The following P2RY6 variants were observed in gnomAD, a reference collection of about 807,000 sequenced individuals.
The protein encoded by P2RY6 is P2Y purinoceptor 6.
A neutral mutation model predicts 16.3 loss-of-function variants in P2RY6; 19 were observed. The observed-to-expected ratio is 1.16, with a 90% CI of 0.81 to 1.71. The LOEUF (loss-of-function observed/expected upper bound fraction) is 1.71, where lower values mean the gene tolerates loss of function less well. Ranked by LOEUF, P2RY6 falls within the 40% of genes most tolerant of loss-of-function variation. P2RY6 has a pLI of 0.00. For missense variants in P2RY6, 389 were observed against 455.5 expected (o/e 0.85, Z 1.33); for synonymous variants, 184 against 201.5 (o/e 0.91, Z 0.74).
intron 1 of P2RY6, among the ~76,000 whole-genome samples, chr11:73,266,691 T>A (rs1191267091): frequency 3.3e-5 from 5 of 152,138 alleles, no homozygotes; most frequent in East Asian, 1.9e-4. Flanking sequence ...CAAGGGGACA[T>A]AAAAGGCAGT....
In P2RY6 at chr11:73,296,223, G is replaced by GAAAA. The variant is rs142793721; in HGVS notation, c.-34-254_-34-251dup. 1.8e-4 allele frequency among the ~76,000 whole-genome samples: 22 copies of GAAAA among 121,464 alleles called. No homozygotes were observed. The East Asian group carries it at 2.0e-3, about 11-fold the overall frequency. 79.7% of individuals were successfully genotyped at this position (121,464 alleles called of 152,430 possible). A position where few individuals can be genotyped will look rare whatever the true frequency, so the allele number is the denominator to read the frequency against. On this transcript the variant is annotated intron_variant, in intron 2 of 2. Coordinates refer to ENST00000540124, the MANE Select transcript of P2RY6 (RefSeq NM_001277204.2). ...TAGAAGTTCACTAGGAAGGCTGAAGGAAAAAAAAAAATATATATATATATA... is the reference window on the plus strand; with the variant it reads ...TAGAAGTTCACTAGGAAGGCTGAAGGAAAAAAAAAAAAAAATATATATATATATA...
chr11:73,279,732 T>G (rs1002901842), intron 1 of P2RY6, among the ~76,000 whole-genome samples: 1 of 152,140 alleles, frequency 6.6e-6, no homozygotes, highest in Non-Finnish European at 1.5e-5. Context: ...AAACTCTAAT[T>G]GGTTGCCCCT....
chr11:73,295,742 C>T lies in P2RY6; in HGVS notation c.-108C>T. On this transcript the variant is annotated 5_prime_UTR_variant, in exon 2 of 3. Coordinates refer to ENST00000540124, the MANE Select transcript of P2RY6 (RefSeq NM_001277204.2). Reference sequence around the variant, plus strand: ...CCCTATTTTACAGATAACAAGACCTCTGCCAGAAGAACCATGGCTTTGGAA... The same window carrying T: ...CCCTATTTTACAGATAACAAGACCTTTGCCAGAAGAACCATGGCTTTGGAA... The T allele has an allele frequency of 1.0e-6, 1 of 984,754 alleles. No homozygotes were observed. Among genetic ancestry groups the T allele is most frequent in the Non-Finnish European group, 1.2e-6 (1 of 829,290 alleles). 61.0% of individuals were successfully genotyped at this position (984,754 alleles called of 1,614,324 possible). A position where few individuals can be genotyped will look rare whatever the true frequency, so the allele number is the denominator to read the frequency against.
At chr11:73,283,177 G>A (rs1863832218) in intron 1 of P2RY6, among the ~76,000 whole-genome samples, 1 of 152,122 alleles carries the variant, frequency 6.6e-6, no homozygotes, top group South Asian at 2.1e-4. Flanking sequence ...GAGCTCTGAG[G>A]AGAGACCTGT....
intron 2 of P2RY6, among the ~76,000 whole-genome samples, chr11:73,296,198 T>C (rs1288342889): frequency 2.2e-5 from 3 of 134,300 alleles, no homozygotes; most frequent in Non-Finnish European, 3.1e-5. Flanking sequence ...GAAGGATGAA[T>C]AGAAGTTCAC....
At chr11:73,291,867 G>A (rs1864264433) in intron 1 of P2RY6, among the ~76,000 whole-genome samples, 1 of 152,144 alleles carries the variant, frequency 6.6e-6, no homozygotes, top group Non-Finnish European at 1.5e-5. Flanking sequence ...TGGGGGCAAA[G>A]GTGGAGTAAG....
At chr11:73,269,215 C>G (rs980403172), upstream of P2RY6, among the ~76,000 whole-genome samples, 1 of 152,158 alleles carries the variant, frequency 6.6e-6, no homozygotes, top group African/African-American at 2.4e-5. Context: ...CTGCTGGTGA[C>G]TGAGTGCAGG....
intron 1 of P2RY6, among the ~76,000 whole-genome samples, chr11:73,290,858 C>T (rs1368034034): frequency 1.3e-5 from 2 of 152,258 alleles, no homozygotes; most frequent in African/African-American, 4.8e-5. Flanking sequence ...GAGAGCAAGG[C>T]AGTTCCTTGG....
At chr11:73,272,761 C>T (rs1863368734) in intron 1 of P2RY6, among the ~76,000 whole-genome samples, 1 of 152,194 alleles carries the variant, frequency 6.6e-6, no homozygotes. Flanking sequence ...AGTCAGGATT[C>T]GGAGCCACAA....
chr11:73,276,812 A>G (rs1215490442), intron 1 of P2RY6, among the ~76,000 whole-genome samples: 37 of 152,220 alleles, frequency 2.4e-4, no homozygotes, highest in Admixed American at 2.4e-3. Flanking sequence ...TCTTGTGAAT[A>G]TGCTAAAAAC....
chr11:73,291,551 G>C lies in P2RY6; in HGVS notation c.-120-4179G>C, dbSNP rs368429190. On this transcript the variant is annotated intron_variant, in intron 1 of 2. Coordinates refer to ENST00000540124, the MANE Select transcript of P2RY6 (RefSeq NM_001277204.2). ...TGAGCAAGCACTAGGTGCTCAACCT[G>C]TGCACAACTGACCAAGTGTTTACCA... 2.4e-3 allele frequency among the ~76,000 whole-genome samples: 372 copies of C among 152,352 alleles called. 3 individuals carry two copies. The highest frequency in any genetic ancestry group is 0.01 in the Middle Eastern group (3 of 294).
intron 1 of P2RY6, among the ~76,000 whole-genome samples, chr11:73,285,915 C>A (rs960950765): frequency 1.3e-5 from 2 of 152,142 alleles, no homozygotes; most frequent in African/African-American, 4.8e-5. Context: ...CTATATGGCC[C>A]CAGAGGCAAG....
chr11:73,288,035 C>T (rs535256538), intron 1 of P2RY6, among the ~76,000 whole-genome samples: 2 of 152,370 alleles, frequency 1.3e-5, no homozygotes, highest in South Asian at 4.1e-4. Flanking sequence ...GTCTCTAACC[C>T]TCTTCATTCA....
chr11:73,289,666 G>A (rs929198607), intron 1 of P2RY6, among the ~76,000 whole-genome samples: 4 of 152,236 alleles, frequency 2.6e-5, no homozygotes, highest in Non-Finnish European at 5.9e-5. Flanking sequence ...TGGCTACAGG[G>A]TCTCAATGCA....
Position 73,276,726 on chromosome 11 carries a change from A to G in P2RY6, c.-121+4260A>G, listed in dbSNP as rs577110500. 3.3e-5 allele frequency among the ~76,000 whole-genome samples: 5 copies of G among 152,320 alleles called. No individual in the cohort carries two copies. The South Asian group carries it at 1.0e-3, about 32-fold the overall frequency. On this transcript the variant is annotated intron_variant, in intron 1 of 2. Coordinates refer to ENST00000540124, the MANE Select transcript of P2RY6 (RefSeq NM_001277204.2). Reference sequence around the variant, plus strand: ...ATGGGGATAAAAGGAATGGGGAGTAACTGCTATTGGGTACAGGATTTCTTT... The same window carrying G: ...ATGGGGATAAAAGGAATGGGGAGTAGCTGCTATTGGGTACAGGATTTCTTT...
chr11:73,285,181 C>T (rs980585748), intron 1 of P2RY6, among the ~76,000 whole-genome samples: 17 of 152,192 alleles, frequency 1.1e-4, no homozygotes, highest in African/African-American at 3.9e-4. Flanking sequence ...AGCGATTTTC[C>T]CACCTCAGCC....
upstream of P2RY6, chr11:73,270,261 G>C (rs1863245428): frequency 6.6e-6 from 1 of 152,254 alleles, no homozygotes; most frequent in Non-Finnish European, 1.5e-5. Flanking sequence ...AGGCAGGGTT[G>C]ACCAAAACTC....
At chr11:73,280,191 C>T (rs560612269) in intron 1 of P2RY6, among the ~76,000 whole-genome samples, 7 of 152,270 alleles carry the variant, frequency 4.6e-5, no homozygotes, top group African/African-American at 1.7e-4. Flanking sequence ...AACCAGGCTG[C>T]CTGGGTTCAG....
At chr11:73,278,787 T>C (rs574212368) in intron 1 of P2RY6, among the ~76,000 whole-genome samples, 31 of 152,214 alleles carry the variant, frequency 2.0e-4, no homozygotes, top group Admixed American at 6.5e-4. Context: ...GTTTGGCTTG[T>C]TTCTACCTTT....
Sources: gnomAD v4.1 joint callset for allele counts (sites outside exome capture counted in the v4.1 genomes callset) on GRCh38, gnomAD v4.1.1 for gene constraint, MANE v1.5 for transcripts, NCBI Gene and HGNC (gene_info 2026-07-23, HGNC 2026-07-21) for gene names.